The following KCNH8 variants were observed in gnomAD, a reference collection of about 807,000 sequenced individuals.
KCNH8 encodes the protein potassium voltage-gated channel subfamily H member 8.
In KCNH8, 70 loss-of-function variants were observed where a neutral mutation model predicts 103.6. That is an observed-to-expected ratio of 0.68 (90% CI 0.56 to 0.82). The LOEUF is 0.82. Ranked by LOEUF, KCNH8 falls within the 40% of genes least tolerant of loss-of-function variation. The probability of loss-of-function intolerance (pLI) is 0.00; values close to 1 mark genes in which losing one functional copy is unlikely to be tolerated. For missense variants in KCNH8, 1,217 were observed against 1,329.9 expected, an observed-to-expected ratio of 0.92 and a Z score of 1.32; for synonymous variants, 498 against 489.4, an observed-to-expected ratio of 1.02 and a Z score of -0.23.
chr3:19,489,340 T>C (rs776214588), intron 11 of KCNH8, among the ~76,000 whole-genome samples: 9 of 152,100 alleles, frequency 5.9e-5, no homozygotes, highest in African/African-American at 1.2e-4. Flanking sequence ...AGAACCTTCC[T>C]TAACTAACTG....
At chr3:19,292,530 C>T (rs950843546) in intron 3 of KCNH8, among the ~76,000 whole-genome samples, 26 of 152,234 alleles carry the variant, frequency 1.7e-4, no homozygotes, top group African/African-American at 5.8e-4. Context: ...ATGTGCATTG[C>T]CTTTAGCTAC....
At chr3:19,514,657 T>G in intron 13 of KCNH8, among the ~76,000 whole-genome samples, 1 of 151,742 alleles carries the variant, frequency 6.6e-6, no homozygotes. Context: ...AGATACTATT[T>G]ACCATGAAAA....
intron 3 of KCNH8, among the ~76,000 whole-genome samples, chr3:19,307,295 T>C (rs112146738): frequency 3.2e-4 from 49 of 151,800 alleles, no homozygotes; most frequent in African/African-American, 1.1e-3. Context: ...GCCAAAAATA[T>C]ATATATGAAA....
At chr3:19,407,834 G>C (rs1034378563) in intron 7 of KCNH8, among the ~76,000 whole-genome samples, 8 of 152,044 alleles carry the variant, frequency 5.3e-5, no homozygotes, top group Non-Finnish European at 8.8e-5. Flanking sequence ...TTGAGCTTCA[G>C]CTGCCCCTAT....
At chr3:19,356,079 T>TA (rs946068127) in intron 5 of KCNH8, among the ~76,000 whole-genome samples, 1 of 151,796 alleles carries the variant, frequency 6.6e-6, no homozygotes, top group African/African-American at 2.4e-5. Flanking sequence ...GATGATGTTT[T>TA]AAAAAATATT....
chr3:19,493,185 C>G (rs547057289), intron 11 of KCNH8, among the ~76,000 whole-genome samples: 8 of 152,192 alleles, frequency 5.3e-5, no homozygotes, highest in Non-Finnish European at 8.8e-5. Context: ...AGTTTGGCCT[C>G]TTGTCTTCCT....
chr3:19,236,863 GC>G (rs1332984297), intron 1 of KCNH8, among the ~76,000 whole-genome samples: 2 of 152,236 alleles, frequency 1.3e-5, no homozygotes, highest in Non-Finnish European at 2.9e-5. Flanking sequence ...CATATATTAT[GC>G]TAAAATATTT....
intron 7 of KCNH8, among the ~76,000 whole-genome samples, chr3:19,400,606 G>A (rs746387858): frequency 3.3e-5 from 5 of 151,956 alleles, no homozygotes; most frequent in Non-Finnish European, 5.9e-5. Context: ...ATGCCTAAAA[G>A]TGTATCTGTA....
At chr3:19,355,382 G>A (rs1049672083) in intron 5 of KCNH8, among the ~76,000 whole-genome samples, 2 of 152,100 alleles carry the variant, frequency 1.3e-5, no homozygotes, top group South Asian at 2.1e-4. Flanking sequence ...CCCATTACTG[G>A]GTATATAACC....
intron 1 of KCNH8, among the ~76,000 whole-genome samples, chr3:19,226,598 C>G (rs113059462): frequency 6.7e-6 from 1 of 150,276 alleles, no homozygotes; most frequent in Non-Finnish European, 1.5e-5. Flanking sequence ...CTCTCTCTCT[C>G]TCTGTCACAC....
chr3:19,286,253 C>G (rs886951064), intron 3 of KCNH8, among the ~76,000 whole-genome samples: 10 of 152,152 alleles, frequency 6.6e-5, no homozygotes, highest in Non-Finnish European at 1.2e-4. Flanking sequence ...GCCTTAACCC[C>G]CAGTTATCTC....
intron 15 of KCNH8, among the ~76,000 whole-genome samples, chr3:19,528,492 TA>T (rs1364082969): frequency 6.6e-6 from 1 of 151,962 alleles, no homozygotes; most frequent in African/African-American, 2.4e-5. Flanking sequence ...GGAAACACAA[TA>T]AGGGAAAAGG....
intron 11 of KCNH8, among the ~76,000 whole-genome samples, chr3:19,475,831 ATG>A (rs1165358949): frequency 2.0e-5 from 3 of 152,160 alleles, no homozygotes; most frequent in Non-Finnish European, 4.4e-5. Flanking sequence ...GTCAAATCAG[ATG>A]TGTTTCATTC....
chr3:19,313,594 G>GTT (rs1280995929), intron 3 of KCNH8, among the ~76,000 whole-genome samples: 1 of 150,970 alleles, frequency 6.6e-6, no homozygotes, highest in Non-Finnish European at 1.5e-5. Context: ...CATTCAGTGT[G>GTT]TTTGTCACAT....
chr3:19,404,840 A>T (rs1248824160), intron 7 of KCNH8, among the ~76,000 whole-genome samples: 1 of 151,902 alleles, frequency 6.6e-6, no homozygotes, highest in African/African-American at 2.4e-5. Flanking sequence ...TCCACTAATT[A>T]AATATAGCAT....
chr3:19,471,074 T>C (rs1047438408), intron 11 of KCNH8, among the ~76,000 whole-genome samples: 1 of 152,154 alleles, frequency 6.6e-6, no homozygotes, highest in Non-Finnish European at 1.5e-5. Flanking sequence ...TTTTTAAGTT[T>C]GTTTATGGGG....
intron 5 of KCNH8, among the ~76,000 whole-genome samples, chr3:19,367,164 T>A (rs184362727): frequency 6.1e-4 from 93 of 151,964 alleles, no homozygotes; most frequent in Middle Eastern, 3.4e-3. Flanking sequence ...CACTTTCTAC[T>A]CCCAGAAAAT....
intron 1 of KCNH8, among the ~76,000 whole-genome samples, chr3:19,244,623 C>T (rs575835463): frequency 6.6e-6 from 1 of 152,274 alleles, no homozygotes; most frequent in South Asian, 2.1e-4. Context: ...ACAGCTTCAC[C>T]AGCATCTGTT....
chr3:19,331,506 T>G (rs926220191), intron 3 of KCNH8, among the ~76,000 whole-genome samples: 2 of 152,062 alleles, frequency 1.3e-5, no homozygotes, highest in African/African-American at 4.8e-5. Flanking sequence ...TTGGCCAGGA[T>G]GATCTTGATC....
Sources: gnomAD v4.1 joint callset for allele counts (sites outside exome capture counted in the v4.1 genomes callset) on GRCh38, gnomAD v4.1.1 for gene constraint, MANE v1.5 for transcripts, NCBI Gene and HGNC (gene_info 2026-07-23, HGNC 2026-07-21) for gene names.